Variants in ZSWIM6 observed in about 807,000 individuals in gnomAD.
ZSWIM6 encodes zinc finger SWIM-type containing 6.
In ZSWIM6, 9 loss-of-function variants were observed where a neutral mutation model predicts 113.2. The ratio of observed to expected loss-of-function variants is 0.08; its 90% CI spans 0.05 to 0.14. The LOEUF is 0.14. Ranked by LOEUF, ZSWIM6 falls within the 10% of genes least tolerant of loss-of-function variation. ZSWIM6 has a pLI of 1.00. For synonymous variants in ZSWIM6, 611 were observed against 606.5 expected (o/e 1.01, Z -0.11); for missense variants, 1,162 against 1,552.2 (o/e 0.75, Z 4.22).
chr5:61,464,733 G>C (rs1436810305), intron 1 of ZSWIM6, among the ~76,000 whole-genome samples: 1 of 152,086 alleles, frequency 6.6e-6, no homozygotes, highest in African/African-American at 2.4e-5. Flanking sequence ...TTAGTCTCCT[G>C]TTTCCTCTTC....
chr5:61,383,597 G>A (rs1579966449), intron 1 of ZSWIM6, among the ~76,000 whole-genome samples: 2 of 151,662 alleles, frequency 1.3e-5, no homozygotes, highest in Admixed American at 6.6e-5. Flanking sequence ...GTGCAGTGGT[G>A]CAGTCTCAAC....
intron 1 of ZSWIM6, among the ~76,000 whole-genome samples, chr5:61,361,557 G>A (rs1486455637): frequency 6.6e-6 from 1 of 152,176 alleles, no homozygotes; most frequent in African/African-American, 2.4e-5. Context: ...AAGACCAAGA[G>A]TACTGACAGG....
chr5:61,525,724 G>A, intron 5 of ZSWIM6, 76 bp from the exon 6 acceptor site: 1 of 1,501,200 alleles, frequency 6.7e-7, no homozygotes, highest in Admixed American at 2.0e-5. Flanking sequence ...TGAACATCTG[G>A]CCACAGAATG....
intron 1 of ZSWIM6, among the ~76,000 whole-genome samples, chr5:61,392,939 C>T (rs896155083): frequency 2.6e-5 from 4 of 152,002 alleles, no homozygotes; most frequent in African/African-American, 9.7e-5. Context: ...TAACTCAATA[C>T]TTTGGCTGTT....
rs1259341197 is a variant in ZSWIM6, at chr5:61,472,123, A to G, written c.677-558A>G. On this transcript the variant is annotated intron_variant, in intron 1 of 13. Transcript: ENST00000252744. The surrounding 1 kb of genome is among the most constrained non-coding windows in gnomAD (Gnocchi z 4.1). The stretch of plus-strand genomic sequence containing the variant: ...GGTATACATTATGCATGTTGCAGAA[A>G]GGATTGTCAAATTTAAAAATTTATC... Among the ~76,000 whole-genome samples the G allele has an allele frequency of 2.0e-5, 3 of 152,364 alleles. No individual in the cohort carries two copies. The highest frequency in any genetic ancestry group is 4.4e-5 in the Non-Finnish European group (3 of 68,036).
intron 9 of ZSWIM6, among the ~76,000 whole-genome samples, chr5:61,535,111 T>C (rs1036033220): frequency 6.6e-6 from 1 of 152,172 alleles, no homozygotes; most frequent in Non-Finnish European, 1.5e-5. Context: ...TGGTGTCATC[T>C]GTGCATTTAC....
intron 1 of ZSWIM6, among the ~76,000 whole-genome samples, chr5:61,371,978 A>C (rs1745274035): frequency 6.6e-6 from 1 of 152,198 alleles, no homozygotes; most frequent in African/African-American, 2.4e-5. Flanking sequence ...CCTATGATTT[A>C]AATGTAAGCA....
chr5:61,485,197 A>G (rs947359657), intron 2 of ZSWIM6, among the ~76,000 whole-genome samples: 1 of 151,922 alleles, frequency 6.6e-6, no homozygotes, highest in African/African-American at 2.4e-5. Flanking sequence ...ACCTCTATAT[A>G]CTTGTCCAGT....
intron 1 of ZSWIM6, among the ~76,000 whole-genome samples, chr5:61,367,691 A>T (rs771917099): frequency 2.0e-5 from 3 of 152,204 alleles, no homozygotes; most frequent in African/African-American, 7.2e-5. Context: ...TCAAAGCCAT[A>T]CAAGAGAACA....
chr5:61,537,686 C>T (rs554693122), intron 10 of ZSWIM6, among the ~76,000 whole-genome samples: 1 of 152,330 alleles, frequency 6.6e-6, no homozygotes, highest in Admixed American at 6.5e-5. Context: ...AGCCATTTGG[C>T]TTACCAGGCA....
At chr5:61,433,519 C>T (rs1404908516) in intron 1 of ZSWIM6, among the ~76,000 whole-genome samples, 1 of 149,866 alleles carries the variant, frequency 6.7e-6, no homozygotes, top group East Asian at 2.0e-4. Context: ...GTTGCCCAGG[C>T]TGGAGTGCAA....
At position 61,472,327 on chromosome 5, in the gene ZSWIM6, C is replaced by G. The variant is rs1747591578; in HGVS notation, c.677-354C>G. ...AGAAGAAACCACTGATCCCACTGAT[C>G]TAGGGGATTATTGTGTTGTATACCA... On this transcript the variant is annotated intron_variant, in intron 1 of 13. Coordinates refer to ENST00000252744, the MANE Select transcript of ZSWIM6 (RefSeq NM_020928.2). The surrounding 1 kb of genome is among the most constrained non-coding windows in gnomAD (Gnocchi z 4.1). 6.6e-6 allele frequency among the ~76,000 whole-genome samples: 1 copy of G among 152,020 alleles called. No homozygotes were observed. The highest frequency in any genetic ancestry group is 1.5e-5 in the Non-Finnish European group (1 of 68,010).
At chr5:61,449,283 A>G (rs1433688410) in intron 1 of ZSWIM6, among the ~76,000 whole-genome samples, 1 of 152,212 alleles carries the variant, frequency 6.6e-6, no homozygotes, top group Admixed American at 6.5e-5. Context: ...GAGGTCACAC[A>G]TTGACTTTCA....
Position 61,525,837 on chromosome 5 carries a change from A to C in ZSWIM6, c.1551A>C (p.Arg517=). Residue 517 remains arginine, a synonymous_variant, in exon 6 of 14, where the codon CGA becomes CGC. Transcript: ENST00000252744. ...SNRPHRTVFT[R]AIEACDLHWQ... is the part of the protein sequence containing the mutation. The stretch of plus-strand genomic sequence containing the variant: ...GGCCACATCGGACAGTGTTCACCCG[A>C]GCCATCGAGGCATGCGATCTCCACT... 6.4e-7 allele frequency: 1 copy of C among 1,551,822 alleles called. No homozygotes were observed. Among genetic ancestry groups the C allele is most frequent in the East Asian group, 2.4e-5 (1 of 40,922 alleles).
chr5:61,519,930 CA>C (rs1181313854), intron 4 of ZSWIM6, among the ~76,000 whole-genome samples: 2 of 152,140 alleles, frequency 1.3e-5, no homozygotes, highest in Non-Finnish European at 1.5e-5. Context: ...GCGCATTTCA[CA>C]ATAGTATTTG....
chr5:61,544,238 C>T lies in ZSWIM6; in HGVS notation c.3569C>T (p.Thr1190Ile), dbSNP rs1436393669. 6.5e-7 allele frequency: 1 copy of T among 1,550,278 alleles called. No homozygotes were observed. Residue 1190 changes from threonine (T) to isoleucine (I), a missense_variant, in exon 14 of 14, where the codon ACA becomes ATA. Transcript: ENST00000252744. Reference protein sequence around the residue: ...LMAHDGHIQFTQFIDNLKQIY... With the variant: ...LMAHDGHIQFIQFIDNLKQIY... ...GCGCATGATGGACACATTCAGTTTA[C>T]ACAGTTTATTGACAACCTGAAACAA... is the stretch of plus-strand genomic sequence containing the variant.
At chr5:61,445,009 T>G (rs932221700) in intron 1 of ZSWIM6, among the ~76,000 whole-genome samples, 8 of 152,218 alleles carry the variant, frequency 5.3e-5, no homozygotes, top group African/African-American at 1.9e-4. Flanking sequence ...AGAAACCCTA[T>G]CATTCTAACA....
At position 61,544,209 on chromosome 5, in the gene ZSWIM6, A is replaced by C; in HGVS notation, c.3540A>C (p.Leu1180Phe). 1.3e-6 allele frequency: 2 copies of C among 1,551,602 alleles called. No homozygotes were observed. Among genetic ancestry groups the C allele is most frequent in the Admixed American group, 2.0e-5 (1 of 51,000 alleles). ...TCAGCAAAGCCCGAGAGACCTTCTT[A>C]ATGGCGCATGATGGACACATTCAGT... is the stretch of plus-strand genomic sequence containing the variant. ...EFLSKARETF[L>F]MAHDGHIQFT... is the part of the protein sequence containing the mutation. Residue 1180 changes from leucine (L) to phenylalanine (F), a missense_variant, in exon 14 of 14, where the codon TTA (leucine) becomes TTC (phenylalanine). Around this residue, in one of 4 missense-constraint regions of ZSWIM6, gnomAD observed 113 missense variants for 213.8 expected, o/e 0.53. Transcript: ENST00000252744.
At chr5:61,353,509 CAT>C (rs1744833758) in intron 1 of ZSWIM6, among the ~76,000 whole-genome samples, 2 of 152,178 alleles carry the variant, frequency 1.3e-5, no homozygotes, top group African/African-American at 2.4e-5. Context: ...TCTTTTTGCA[CAT>C]GTGTCATTCA....
Sources: allele counts gnomAD v4.1 joint callset (sites outside exome capture counted in the v4.1 genomes callset), GRCh38; gene constraint gnomAD v4.1.1; regional missense constraint gnomAD v4.1.1; non-coding constraint Gnocchi (gnomAD v3.1); transcripts MANE v1.5; gene names NCBI Gene and HGNC (gene_info 2026-07-23, HGNC 2026-07-21).